The following PLBD2 variants were observed in gnomAD, a reference collection of about 807,000 sequenced individuals.
PLBD2 encodes the protein putative aminopeptidase PLBD2.
Under a neutral mutation model 68.3 loss-of-function variants are expected in PLBD2, and 51 were observed. That is an observed-to-expected ratio of 0.75 (90% confidence interval 0.60 to 0.94). The LOEUF (loss-of-function observed/expected upper bound fraction) is 0.94. Ranked by LOEUF, PLBD2 falls within the 40% of genes least tolerant of loss-of-function variation. The probability of loss-of-function intolerance (pLI) is 0.00; values close to 1 mark genes in which losing one functional copy is unlikely to be tolerated. For missense variants in PLBD2, 729 were observed against 792.2 expected, an observed-to-expected ratio of 0.92 and a Z score of 0.96; for synonymous variants, 314 against 339.3, an observed-to-expected ratio of 0.93 and a Z score of 0.82.
intron 1 of PLBD2, among the ~76,000 whole-genome samples, chr12:113,359,827 GGGAA>G (rs1218194225): frequency 6.6e-6 from 1 of 152,200 alleles, no homozygotes; most frequent in Admixed American, 6.5e-5. Flanking sequence ...CAGTGGGAGT[GGGAA>G]GGATCAGCTT....
chr12:113,378,134 A>C (rs942731330), intron 5 of PLBD2, among the ~76,000 whole-genome samples: 1 of 152,180 alleles, frequency 6.6e-6, no homozygotes, highest in African/African-American at 2.4e-5. Context: ...TCTACTAAAA[A>C]TACAAAAACT....
Position 113,384,049 on chromosome 12 carries a change from G to T in PLBD2, c.958-56G>T. Reference sequence around the variant, plus strand: ...TTGGAGCCATGACTGATGAAGTACTGCCACTTGGTGGCAGCATGCCTAGGC... The same window carrying T: ...TTGGAGCCATGACTGATGAAGTACTTCCACTTGGTGGCAGCATGCCTAGGC... On this transcript the variant is annotated intron_variant, in intron 6 of 11. Coordinates refer to ENST00000280800, the MANE Select transcript of PLBD2 (RefSeq NM_173542.4). The surrounding 1 kb of genome is among the most constrained non-coding windows in gnomAD (Gnocchi z 4.2). 1 of 1,370,066 alleles carries T rather than the reference G, an allele frequency of 7.3e-7. No individual in the cohort carries two copies. Among genetic ancestry groups the T allele is most frequent in the Non-Finnish European group, 9.7e-7 (1 of 1,029,122 alleles). The allele number at this position is 1,370,066 out of a possible 1,614,324, so 84.9% of individuals were successfully genotyped here.
In PLBD2 at chr12:113,384,296, C is replaced by T; in HGVS notation, c.1118+31C>T. 2.5e-6 allele frequency: 4 copies of T among 1,588,080 alleles called. No homozygotes were observed. The highest frequency in any genetic ancestry group is 3.4e-6 in the Non-Finnish European group (4 of 1,165,784). ...TGGGCTTCTGGCCCTGTGGCTTCCC[C>T]TGCACCAAGAGATAGACCAACCTCC... On this transcript the variant is annotated intron_variant, in intron 7 of 11. Transcript: ENST00000280800. The surrounding 1 kb of genome is among the most constrained non-coding windows in gnomAD (Gnocchi z 4.2).
chr12:113,380,674 G>A (rs1002894020), intron 5 of PLBD2, 71 bp from the exon 6 acceptor site: 3 of 1,279,194 alleles, frequency 2.3e-6, no homozygotes, highest in Middle Eastern at 2.4e-4. Flanking sequence ...CCTGTGTCTT[G>A]TTAGGTAGGG....
intron 1 of PLBD2, among the ~76,000 whole-genome samples, chr12:113,365,502 C>T (rs973424492): frequency 4.0e-5 from 6 of 151,888 alleles, no homozygotes; most frequent in Non-Finnish European, 5.9e-5. Context: ...TTAGTAGAGA[C>T]GAGGTTTCAC....
chr12:113,367,603 A>T (rs1398721265), intron 1 of PLBD2, among the ~76,000 whole-genome samples: 1 of 152,026 alleles, frequency 6.6e-6, no homozygotes, highest in Non-Finnish European at 1.5e-5. Flanking sequence ...TACCAAAATT[A>T]GCTGGGTGTG....
At position 113,384,293 on chromosome 12, in the gene PLBD2, C is replaced by T. The variant is rs773032602; in HGVS notation, c.1118+28C>T. 1 of 1,589,402 alleles carries T rather than the reference C, an allele frequency of 6.3e-7. No individual in the cohort carries two copies. The highest frequency in any genetic ancestry group is 1.1e-5 in the South Asian group (1 of 87,528). ...GAGTGGGCTTCTGGCCCTGTGGCTT[C>T]CCCTGCACCAAGAGATAGACCAACC... is the stretch of plus-strand genomic sequence containing the variant. On this transcript the variant is annotated intron_variant, in intron 7 of 11. Transcript: ENST00000280800. The surrounding 1 kb of genome is among the most constrained non-coding windows in gnomAD (Gnocchi z 4.2).
rs142625548 is a variant in PLBD2, at chr12:113,378,253, C to G, written c.860-2492C>G. Among the ~76,000 whole-genome samples, 212 of 151,352 alleles carry G rather than the reference C, an allele frequency of 1.4e-3. 1 individual carries two copies. The highest frequency in any genetic ancestry group is 3.4e-3 in the Middle Eastern group (1 of 290). ...GTTGCAGTGAGCCAAGATGGTGCCACTGTACTCCAACCTAGGCAACAGAGT... is the reference window on the plus strand; with the variant it reads ...GTTGCAGTGAGCCAAGATGGTGCCAGTGTACTCCAACCTAGGCAACAGAGT... On this transcript the variant is annotated intron_variant, in intron 5 of 11. Coordinates refer to ENST00000280800, the MANE Select transcript of PLBD2 (RefSeq NM_173542.4).
chr12:113,377,820 T>A (rs1472828327), intron 5 of PLBD2, among the ~76,000 whole-genome samples: 3 of 152,252 alleles, frequency 2.0e-5, no homozygotes, highest in African/African-American at 7.2e-5. Context: ...ATCATTCTCA[T>A]TGCTATATAT....
rs137977678 is a variant in PLBD2 at position 113,382,762 on chromosome 12, A to G, written c.958-1343A>G. Among the ~76,000 whole-genome samples, 8 of 151,418 alleles carry G rather than the reference A, an allele frequency of 5.3e-5. No individual in the cohort carries two copies. In the East Asian group the frequency reaches 1.4e-3, roughly 26 times the overall value. ...CCTCTTTAAAGAGAAAAAAGAAAAA[A>G]TCACATTTATGGATACAGCTATCTT... On this transcript the variant is annotated intron_variant, in intron 6 of 11. Transcript: ENST00000280800.
chr12:113,386,608 C>T (rs914261628), intron 9 of PLBD2, among the ~76,000 whole-genome samples: 1 of 151,600 alleles, frequency 6.6e-6, no homozygotes, highest in African/African-American at 2.4e-5. Context: ...AAACCTCCAC[C>T]TTCCAGGTTC....
At chr12:113,361,637 G>A (rs1336834115) in intron 1 of PLBD2, among the ~76,000 whole-genome samples, 2 of 152,070 alleles carry the variant, frequency 1.3e-5, no homozygotes, top group Non-Finnish European at 1.5e-5. Context: ...GTGAGCCACT[G>A]TGCTCGGTAC....
intron 1 of PLBD2, among the ~76,000 whole-genome samples, chr12:113,366,455 C>T (rs1031932726): frequency 2.8e-5 from 4 of 143,874 alleles, no homozygotes; most frequent in African/African-American, 9.8e-5. Context: ...ATGCAAAAAC[C>T]AATTAAAACA....
intron 1 of PLBD2, among the ~76,000 whole-genome samples, chr12:113,368,429 G>A (rs776834208): frequency 3.9e-5 from 6 of 152,198 alleles, no homozygotes; most frequent in Non-Finnish European, 8.8e-5. Context: ...ATATCCCTGG[G>A]ACCAGTGGGC....
intron 3 of PLBD2, among the ~76,000 whole-genome samples, chr12:113,373,865 C>G (rs1397185434): frequency 1.2e-5 from 1 of 84,428 alleles, no homozygotes; most frequent in South Asian, 4.8e-4. Flanking sequence ...CATACATCCA[C>G]CCACCCACCC....
At position 113,390,856 on chromosome 12, in the gene PLBD2, T is replaced by A. The variant is rs184964353; in HGVS notation, c.*2230T>A. 1 of 151,842 alleles carries A rather than the reference T, an allele frequency of 6.6e-6. No homozygotes were observed. The highest frequency in any genetic ancestry group is 1.9e-4 in the East Asian group (1 of 5,140). 9.4% of individuals were successfully genotyped at this position (151,842 alleles called of 1,614,324 possible). ...TATCCATTTATCACCCATCTACCCA[T>A]CCATCCACCCACTCATCCATCCATT... On this transcript the variant is annotated 3_prime_UTR_variant, in exon 12 of 12. Transcript: ENST00000280800.
rs1208248574 is a variant in PLBD2 at position 113,390,716 on chromosome 12, A to G, written c.*2090A>G. The G allele has an allele frequency of 6.7e-6, 1 of 149,772 alleles. No homozygotes were observed. Among genetic ancestry groups the G allele is most frequent in the African/African-American group, 2.5e-5 (1 of 40,358 alleles). 9.3% of individuals were successfully genotyped at this position (149,772 alleles called of 1,614,324 possible). On this transcript the variant is annotated 3_prime_UTR_variant, in exon 12 of 12. Transcript: ENST00000280800. ...CCACCTACCTATCCATTTATCATCC[A>G]TCTACCCACTCACCCATCCATCCAT...
chr12:113,385,505 G>A (rs1309296704), intron 9 of PLBD2, among the ~76,000 whole-genome samples: 1 of 152,166 alleles, frequency 6.6e-6, no homozygotes, highest in African/African-American at 2.4e-5. Flanking sequence ...GGGTGGTGTG[G>A]GGTGGCCAGG....
intron 1 of PLBD2, among the ~76,000 whole-genome samples, chr12:113,367,808 T>G (rs71442754): frequency 0.1 from 15,226 of 148,154 alleles, 1,189 homozygotes; most frequent in African/African-American, 0.22. Flanking sequence ...CTGTAAAGTA[T>G]CTTAACAAAG....
Sources: gnomAD v4.1 joint callset for allele counts (sites outside exome capture counted in the v4.1 genomes callset) on GRCh38, gnomAD v4.1.1 for gene constraint, Gnocchi (gnomAD v3.1) non-coding constraint, MANE v1.5 for transcripts, NCBI Gene and HGNC (gene_info 2026-07-23, HGNC 2026-07-21) for gene names.